FCN1: variants seen among roughly 807,000 people sequenced by gnomAD.
FCN1 encodes the protein ficolin 1, also known as ficolin-1.
FCN1 carries 42 observed loss-of-function variants against 35.6 expected under a neutral mutation model. The ratio of observed to expected loss-of-function variants is 1.18; its 90% CI spans 0.92 to 1.53. FCN1 has a LOEUF of 1.53. Among genes scored for constraint, FCN1 ranks in the 40% most tolerant of loss-of-function variants. The pLI, the probability that FCN1 is intolerant of heterozygous loss-of-function variation, is 0.00. For synonymous variants in FCN1, 179 were observed against 169.8 expected, an observed-to-expected ratio of 1.05 and a Z score of -0.42; for missense variants, 439 against 428.4, an observed-to-expected ratio of 1.02 and a Z score of -0.22.
At chr9:134,917,139 G>T (rs1343054540) in intron 1 of FCN1, among the ~76,000 whole-genome samples, 1 of 152,220 alleles carries the variant, frequency 6.6e-6, no homozygotes, top group Non-Finnish European at 1.5e-5. Flanking sequence ...TGCCATTTTT[G>T]GGGTATTTCC....
intron 7 of FCN1, among the ~76,000 whole-genome samples, 199 bp downstream of exon 7, chr9:134,912,287 G>A (rs1416649652): frequency 6.6e-6 from 1 of 152,190 alleles, no homozygotes; most frequent in Non-Finnish European, 1.5e-5. Flanking sequence ...TTCAGCCCAG[G>A]GCTCTAACCG....
chr9:134,910,347 C>A lies in FCN1; in HGVS notation c.734-302G>T, dbSNP rs1430759458. On this transcript the variant is annotated intron_variant, in intron 8 of 8. Transcript: ENST00000371806. ...TCTCTCCTGGAATGACCTCCCTCCT[C>A]CAGCCTGCGCCGCTCCTTCCGGTCT... Among the ~76,000 whole-genome samples, 4 of 152,130 alleles carry A rather than the reference C, an allele frequency of 2.6e-5. No homozygotes were observed. The East Asian group carries it at 7.7e-4, about 29-fold the overall frequency.
Position 134,909,098 on chromosome 9 carries a change from C to A in FCN1, c.*700G>T. 1 of 821,670 alleles carries A rather than the reference C, an allele frequency of 1.2e-6. No individual in the cohort carries two copies. 50.9% of individuals were successfully genotyped at this position (821,670 alleles called of 1,614,324 possible). ...TTTTCCCACTGAGGTCCGCGGTCCC[C>A]TCTAGCTGAGGTCTGTGTGTGGGAG... is the stretch of plus-strand genomic sequence containing the variant. On this transcript the variant is annotated 3_prime_UTR_variant, in exon 9 of 9. Coordinates refer to ENST00000371806, the MANE Select transcript of FCN1 (RefSeq NM_002003.5).
rs544574215 is a variant in FCN1, at chr9:134,915,366, C to G, written c.218-557G>C. The stretch of plus-strand genomic sequence containing the variant: ...GCCAAGAGGCAGCCCCCAGCCCGCT[C>G]GCTGACCCCAGTGGCTGGGGAGAGT... On this transcript the variant is annotated intron_variant, in intron 2 of 8. Coordinates refer to ENST00000371806, the MANE Select transcript of FCN1 (RefSeq NM_002003.5). Among the ~76,000 whole-genome samples, 131 of 152,294 alleles carry G rather than the reference C, an allele frequency of 8.6e-4. 1 individual carries two copies. The highest frequency in any genetic ancestry group is 3.0e-3 in the African/African-American group (123 of 41,564).
Position 134,907,110 on chromosome 9 carries a change from A to G in FCN1, c.*2688T>C, listed in dbSNP as rs920452126. 7 of 152,146 alleles carry G rather than the reference A, an allele frequency of 4.6e-5. No individual in the cohort carries two copies. The highest frequency in any genetic ancestry group is 1.7e-4 in the African/African-American group (7 of 41,428). The allele number at this position is 152,146 out of a possible 1,614,324, so 9.4% of individuals were successfully genotyped here. On this transcript the variant is annotated 3_prime_UTR_variant, in exon 9 of 9. Coordinates refer to ENST00000371806, the MANE Select transcript of FCN1 (RefSeq NM_002003.5). ...AAAGGCATATTTCTATGGCTATTTT[A>G]TATTTATATTAATCATATTTATATT...
rs1830987762 is a variant in FCN1 at position 134,909,066 on chromosome 9, G to A, written c.*732C>T. On this transcript the variant is annotated 3_prime_UTR_variant, in exon 9 of 9. Transcript: ENST00000371806. Reference sequence around the variant, plus strand: ...TTCTCCATCATCTCCTAGAAGCCTTGTGCAGCTTTTCCCACTGAGGTCCGC... The same window carrying A: ...TTCTCCATCATCTCCTAGAAGCCTTATGCAGCTTTTCCCACTGAGGTCCGC... 5.9e-5 allele frequency: 28 copies of A among 476,920 alleles called. No individual in the cohort carries two copies. Among genetic ancestry groups the A allele is most frequent in the South Asian group, 5.4e-4 (27 of 50,212 alleles). The allele number at this position is 476,920 out of a possible 1,614,324, so 29.5% of individuals were successfully genotyped here. A position where few individuals can be genotyped will look rare whatever the true frequency, so the allele number is the denominator to read the frequency against.
rs777357981 is a variant in FCN1 at position 134,904,213 on chromosome 9, A to G, written c.*5585T>C. The stretch of plus-strand genomic sequence containing the variant: ...AAGTCTCATCCAGGCACCTTGTAGT[A>G]AAACTATCAAGGCAAAGAAAAAAAA... On this transcript the variant is annotated 3_prime_UTR_variant, in exon 9 of 9. Transcript: ENST00000371806. Among the ~76,000 whole-genome samples the G allele has an allele frequency of 6.6e-6, 1 of 152,224 alleles. No individual in the cohort carries two copies. Among genetic ancestry groups the G allele is most frequent in the African/African-American group, 2.4e-5 (1 of 41,466 alleles).
chr9:134,910,764 T>C (rs1382137454), intron 8 of FCN1, among the ~76,000 whole-genome samples: 2 of 152,192 alleles, frequency 1.3e-5, no homozygotes, highest in African/African-American at 4.8e-5. Flanking sequence ...CCCCAGATCG[T>C]GTAGCCAGAG....
At chr9:134,910,147 C>G in intron 8 of FCN1, 102 bp from the exon 9 acceptor site, 1 of 1,110,526 alleles carries the variant, frequency 9.0e-7, no homozygotes, top group Non-Finnish European at 1.4e-6. Flanking sequence ...CTCACTTTAG[C>G]GACGCATGAG....
rs1162539730 is a variant in FCN1 at position 134,909,893 on chromosome 9, G to T, written c.886C>A (p.Pro296Thr). The change falls in exon 9 of 9, where the codon CCC (proline) becomes ACC (threonine). Residue 296 changes from proline to threonine, a missense_variant. Coordinates refer to ENST00000371806, the MANE Select transcript of FCN1 (RefSeq NM_002003.5). ...ATACCATTGGCATAGCTCTCATGGGGTCCCATGAGGTAGAGACCATTGAGG... is the reference window on the plus strand; with the variant it reads ...ATACCATTGGCATAGCTCTCATGGGTTCCCATGAGGTAGAGACCATTGAGG... ...SNLNGLYLMG[P>T]HESYANGINW... The T allele has an allele frequency of 1.2e-6, 2 of 1,614,006 alleles. No homozygotes were observed. The highest frequency in any genetic ancestry group is 1.7e-6 in the Non-Finnish European group (2 of 1,179,898).
At position 134,909,128 on chromosome 9, in the gene FCN1, G is replaced by T. The variant is rs545963101; in HGVS notation, c.*670C>A. The T allele has an allele frequency of 1.1e-5, 12 of 1,083,462 alleles. No individual in the cohort carries two copies. The highest frequency in any genetic ancestry group is 2.8e-4 in the Middle Eastern group (1 of 3,602). 67.1% of individuals were successfully genotyped at this position (1,083,462 alleles called of 1,614,324 possible). On this transcript the variant is annotated 3_prime_UTR_variant, in exon 9 of 9. Coordinates refer to ENST00000371806, the MANE Select transcript of FCN1 (RefSeq NM_002003.5). ...GCTGAGGTCTGTGTGTGGGAGGAAG[G>T]CCTCTTCGGAATCTTCTCTGTGCAG... is the stretch of plus-strand genomic sequence containing the variant.
intron 7 of FCN1, among the ~76,000 whole-genome samples, chr9:134,911,974 C>A (rs189955218): frequency 2.8e-3 from 430 of 152,296 alleles, no homozygotes; most frequent in Admixed American, 5.6e-3. Flanking sequence ...TGCCACAGGG[C>A]AGTGGGCAGG....
chr9:134,910,040 AATT>A lies in FCN1; in HGVS notation c.736_738del (p.Asn246del), dbSNP rs750486535. On this transcript the variant is annotated inframe_deletion and splice_region_variant, in exon 9 of 9. Coordinates refer to ENST00000371806, the MANE Select transcript of FCN1 (RefSeq NM_002003.5). ...AAGTTGTTGTTGTGGCCCGTTAGAG[AATT>A]ACCTGCTCACAGAAAATGTGGGGTT... 1 of 1,613,818 alleles carries A rather than the reference AATT, an allele frequency of 6.2e-7. No homozygotes were observed. Among genetic ancestry groups the A allele is most frequent in the South Asian group, 1.1e-5 (1 of 91,062 alleles).
chr9:134,906,031 C>T lies in FCN1; in HGVS notation c.*3767G>A, dbSNP rs1830954462. The T allele has an allele frequency of 6.9e-6, 1 of 145,614 alleles. No homozygotes were observed. The highest frequency in any genetic ancestry group is 7.1e-5 in the Admixed American group (1 of 14,134). The allele number at this position is 145,614 out of a possible 1,614,324, so 9.0% of individuals were successfully genotyped here. ...TTTTGAGGCGGAATCTCGCTCTGTT[C>T]CCCAGGCTGGAGTGCAGTGGCACGA... On this transcript the variant is annotated 3_prime_UTR_variant, in exon 9 of 9. Transcript: ENST00000371806.
chr9:134,916,400 C>A lies in FCN1; in HGVS notation c.165G>T (p.Gly55=). The change falls in exon 2 of 9, where the codon GGG becomes GGT. Residue 55 remains glycine (G), a synonymous_variant. Coordinates refer to ENST00000371806, the MANE Select transcript of FCN1 (RefSeq NM_002003.5). ...DKLTILRGCP[G]LPGAPGPKGE... Reference sequence around the variant, plus strand: ...CCTTTGGCCCTGGGGCCCCGGGCAGCCCCGGGCAGCCTCGGAGAATGGTGA... The same window carrying A: ...CCTTTGGCCCTGGGGCCCCGGGCAGACCCGGGCAGCCTCGGAGAATGGTGA... 6.2e-7 allele frequency: 1 copy of A among 1,614,210 alleles called. No homozygotes were observed. The highest frequency in any genetic ancestry group is 8.5e-7 in the Non-Finnish European group (1 of 1,180,044).
At chr9:134,912,153 G>T (rs904952672) in intron 7 of FCN1, among the ~76,000 whole-genome samples, 1 of 152,180 alleles carries the variant, frequency 6.6e-6, no homozygotes, top group African/African-American at 2.4e-5. Flanking sequence ...GGACTAAGAT[G>T]CCAGCTTCAG....
intron 2 of FCN1, among the ~76,000 whole-genome samples, chr9:134,915,438 C>T (rs1406758180): frequency 6.6e-6 from 1 of 152,178 alleles, no homozygotes; most frequent in East Asian, 1.9e-4. Context: ...CAGCCATGCC[C>T]ACTGGTAGAA....
chr9:134,910,637 T>C (rs1831011838), intron 8 of FCN1, among the ~76,000 whole-genome samples: 1 of 152,224 alleles, frequency 6.6e-6, no homozygotes, highest in South Asian at 2.1e-4. Flanking sequence ...CCCCTGGGAC[T>C]GCCTTGCTCC....
At chr9:134,911,064 G>C in intron 8 of FCN1, 69 bp downstream of exon 8, 1 of 1,548,826 alleles carries the variant, frequency 6.5e-7, no homozygotes, top group South Asian at 1.1e-5. Context: ...GGTCACCAGG[G>C]GAGACAGAGC....
Sources: gnomAD v4.1 joint callset for allele counts (sites outside exome capture counted in the v4.1 genomes callset) on GRCh38, gnomAD v4.1.1 for gene constraint, MANE v1.5 for transcripts, NCBI Gene and HGNC (gene_info 2026-07-23, HGNC 2026-07-21) for gene names.